Variants in SZT2 observed in about 807,000 individuals in gnomAD.
SZT2 encodes the protein KICSTOR complex protein SZT2.
Under a neutral mutation model 404.2 loss-of-function variants are expected in SZT2, and 216 were observed. The observed-to-expected ratio is 0.53, with a 90% CI of 0.48 to 0.60. The LOEUF (loss-of-function observed/expected upper bound fraction) is 0.60. Among genes scored for constraint, SZT2 ranks in the 20% least tolerant of loss-of-function variants. SZT2 has a pLI of 0.00. For missense variants in SZT2, 3,857 were observed against 4,459.2 expected (o/e 0.86, Z 3.85); for synonymous variants, 1,693 against 1,749.9 (o/e 0.97, Z 0.81).
chr1:43,437,311 G>C lies in SZT2; in HGVS notation c.6175G>C (p.Gly2059Arg), dbSNP rs1570695291. The C allele has an allele frequency of 6.2e-7, 1 of 1,614,154 alleles. No homozygotes were observed. The highest frequency in any genetic ancestry group is 8.5e-7 in the Non-Finnish European group (1 of 1,180,040). Residue 2059 changes from glycine (G) to arginine (R), a missense_variant, in exon 43 of 72, where the codon GGG becomes CGG. This residue lies in a region of SZT2 where 261 missense variants were observed against 372.9 expected (regional missense o/e 0.70). Transcript: ENST00000634258. The surrounding 1 kb of genome is among the most constrained non-coding windows in gnomAD (Gnocchi z 5.3). The part of the protein sequence containing the change: ...HSRLKMGPSM[G>R]VSRAIQALRS... ...ACGCCTCAAAATGGGGCCCAGCATG[G>C]GGGTCTCTCGGGGTATGTGATTGGC...
chr1:43,420,161 C>T lies in SZT2; in HGVS notation c.1099C>T (p.His367Tyr). 6.3e-7 allele frequency: 1 copy of T among 1,598,340 alleles called. No homozygotes were observed. The highest frequency in any genetic ancestry group is 8.5e-7 in the Non-Finnish European group (1 of 1,179,750). The part of the protein sequence containing the change: ...LNPEYYCGSQ[H>Y]RLFNEHLVSA... ...CTCCACTGGTCTTCCAGGCTCTCAG[C>T]ACCGCCTATTTAATGAGCACCTGGT... Residue 367 changes from histidine to tyrosine, a missense_variant, in exon 9 of 72, where the codon CAC (histidine) becomes TAC (tyrosine). His to Tyr is a moderately conservative substitution (Grantham distance 83). This residue lies in a region of SZT2 where 536 missense variants were observed against 637.4 expected (regional missense o/e 0.84). Coordinates refer to ENST00000634258, the MANE Select transcript of SZT2 (RefSeq NM_001365999.1). This position sits in a 1 kb window ranked among gnomAD's most constrained non-coding sequence, Gnocchi z 5.1.
rs1652974093 is a variant in SZT2, at chr1:43,425,038, T to G, written c.2551-75T>G. Reference sequence around the variant, plus strand: ...CAATTTGGTGAGGGAACTGAAATTCTGAGGGCCAGAGCTAGGCCAGGCCAG... The same window carrying G: ...CAATTTGGTGAGGGAACTGAAATTCGGAGGGCCAGAGCTAGGCCAGGCCAG... On this transcript the variant is annotated intron_variant, in intron 17 of 71. Transcript: ENST00000634258. This position sits in a 1 kb window ranked among gnomAD's most constrained non-coding sequence, Gnocchi z 4.3. 4.4e-6 allele frequency: 7 copies of G among 1,591,500 alleles called. No homozygotes were observed. Among genetic ancestry groups the G allele is most frequent in the Admixed American group, 3.3e-5 (2 of 59,882 alleles).
In SZT2 at chr1:43,448,339, G is replaced by A. The variant is rs745809903; in HGVS notation, c.9824G>A (p.Arg3275Gln). The change falls in exon 69 of 72, where the codon CGG (arginine) becomes CAG (glutamine). Residue 3275 changes from arginine to glutamine, a missense_variant. Around this residue, in one of 7 missense-constraint regions of SZT2, gnomAD observed 717 missense variants for 868.2 expected, o/e 0.83. Coordinates refer to ENST00000634258, the MANE Select transcript of SZT2 (RefSeq NM_001365999.1). The surrounding 1 kb of genome is among the most constrained non-coding windows in gnomAD (Gnocchi z 4.2). ...CGGCTGGCTGGAGGGCACTGCCGTC[G>A]GGACACCCTTTGGAAGCGCCTCTTC... ...LVRLAGGHCRRDTLWKRLFLL... is the reference protein window; with the variant it reads ...LVRLAGGHCRQDTLWKRLFLL... The A allele has an allele frequency of 8.4e-6, 13 of 1,552,950 alleles. No individual in the cohort carries two copies. The highest frequency in any genetic ancestry group is 3.5e-5 in the South Asian group (3 of 84,568).
In SZT2 at chr1:43,437,313, G is replaced by T; in HGVS notation, c.6177G>T (p.Gly2059=). 6.2e-7 allele frequency: 1 copy of T among 1,614,162 alleles called. No homozygotes were observed. Among genetic ancestry groups the T allele is most frequent in the Non-Finnish European group, 8.5e-7 (1 of 1,180,036 alleles). Residue 2059 remains glycine (G), a synonymous_variant, in exon 43 of 72, where the codon GGG becomes GGT. Transcript: ENST00000634258. The surrounding 1 kb of genome is among the most constrained non-coding windows in gnomAD (Gnocchi z 5.3). ...GCCTCAAAATGGGGCCCAGCATGGG[G>T]GTCTCTCGGGGTATGTGATTGGCAT... The part of the protein sequence containing the change: ...HSRLKMGPSM[G]VSRAIQALRS...
At position 43,452,468 on chromosome 1, in the gene SZT2, C is replaced by A; in HGVS notation, c.*1988C>A. ...CGATGCCCAGGTATCCCAGCACTTT[C>A]AGAGACACTTCAGTGATGGCTGAGG... On this transcript the variant is annotated 3_prime_UTR_variant, in exon 72 of 72. Coordinates refer to ENST00000634258, the MANE Select transcript of SZT2 (RefSeq NM_001365999.1). 1 of 723,142 alleles carries A rather than the reference C, an allele frequency of 1.4e-6. No individual in the cohort carries two copies. The allele number at this position is 723,142 out of a possible 1,614,324, so 44.8% of individuals were successfully genotyped here. A position where few individuals can be genotyped will look rare whatever the true frequency, so the allele number is the denominator to read the frequency against.
In SZT2 at chr1:43,399,043, A is replaced by G. The variant is rs925763460; in HGVS notation, c.28-4134A>G. Among the ~76,000 whole-genome samples the G allele has an allele frequency of 1.5e-4, 23 of 152,030 alleles. No homozygotes were observed. In the South Asian group the frequency reaches 1.7e-3, roughly 11 times the overall value. On this transcript the variant is annotated intron_variant, in intron 1 of 71. Transcript: ENST00000634258. ...TGCAGTGAGCCGAGATTGCGCCACT[A>G]CACTCCAGCCTAGGCGACAGAGCGA... is the stretch of plus-strand genomic sequence containing the variant.
chr1:43,431,064 C>T lies in SZT2; in HGVS notation c.4890C>T (p.Pro1630=), dbSNP rs1306038958. The change falls in exon 33 of 72, where the codon CCC becomes CCT. Residue 1630 remains proline (P), a synonymous_variant. Coordinates refer to ENST00000634258, the MANE Select transcript of SZT2 (RefSeq NM_001365999.1). ...MLTLPLEVEL[P]TASDPQHHRS... is the part of the protein sequence containing the mutation. ...CTTTGCCCCTGGAAGTGGAGCTCCC[C>T]ACGGCCTCGGACCCTCAGCACCACC... 1 of 1,614,028 alleles carries T rather than the reference C, an allele frequency of 6.2e-7. No individual in the cohort carries two copies. Among genetic ancestry groups the T allele is most frequent in the Admixed American group, 1.7e-5 (1 of 59,998 alleles).
At position 43,394,605 on chromosome 1, in the gene SZT2, G is replaced by A. The variant is rs563866807; in HGVS notation, c.27+4610G>A. ...TGAAAATATAGTTGTTGGGCTGGGC[G>A]CGGTGGCTCATGCCTGTAATCCCAA... is the stretch of plus-strand genomic sequence containing the variant. On this transcript the variant is annotated intron_variant, in intron 1 of 71. Transcript: ENST00000634258. Among the ~76,000 whole-genome samples, 22 of 152,288 alleles carry A rather than the reference G, an allele frequency of 1.4e-4. No homozygotes were observed. In the South Asian group the frequency reaches 2.3e-3, roughly 16 times the overall value.
chr1:43,415,114 C>T lies in SZT2; in HGVS notation c.531C>T (p.Ser177=), dbSNP rs1056702956. 2.3e-5 allele frequency: 37 copies of T among 1,597,912 alleles called. No individual in the cohort carries two copies. The highest frequency in any genetic ancestry group is 3.1e-5 in the Non-Finnish European group (37 of 1,179,570). The part of the protein sequence containing the change: ...VLVQGCLLDP[S]QREVFLQQIY... ...TACAGGGCTGCCTCTTGGACCCTTCCCAGCGGGAGGTGTTCCTGCAGCAGA... is the reference window on the plus strand; with the variant it reads ...TACAGGGCTGCCTCTTGGACCCTTCTCAGCGGGAGGTGTTCCTGCAGCAGA... The change falls in exon 5 of 72, where the codon TCC becomes TCT. Residue 177 remains serine (S), a synonymous_variant. Coordinates refer to ENST00000634258, the MANE Select transcript of SZT2 (RefSeq NM_001365999.1).
intron 7 of SZT2, among the ~76,000 whole-genome samples, 154 bp downstream of exon 7, chr1:43,416,795 C>T (rs1570609069): frequency 6.6e-6 from 1 of 152,084 alleles, no homozygotes; most frequent in Non-Finnish European, 1.5e-5. Flanking sequence ...TAGGTAGCAT[C>T]GTGGGAGAGG....
At chr1:43,415,255 G>GAGCA in intron 5 of SZT2, 42 bp downstream of exon 5, 5 of 1,593,900 alleles carry the variant, frequency 3.1e-6, no homozygotes, top group Non-Finnish European at 3.4e-6. Flanking sequence ...TTAGAAAGAG[G>GAGCA]AGCAGCTAAG....
intron 41 of SZT2, among the ~76,000 whole-genome samples, 156 bp downstream of exon 41, chr1:43,434,641 C>A (rs1186191157): frequency 6.6e-6 from 1 of 152,210 alleles, no homozygotes; most frequent in African/African-American, 2.4e-5. Flanking sequence ...TCTCCCCCAG[C>A]TCCCTACAGC....
intron 1 of SZT2, chr1:43,394,013 A>C (rs376735570): frequency 1.1e-5 from 10 of 915,480 alleles, no homozygotes; most frequent in Non-Finnish European, 1.3e-5. Flanking sequence ...CCTGACCCCG[A>C]AACTCTACTT....
At chr1:43,433,314 A>C in intron 40 of SZT2, 124 bp downstream of exon 40, 2 of 993,348 alleles carry the variant, frequency 2.0e-6, no homozygotes, top group Non-Finnish European at 2.9e-6. Context: ...TAGAGATCCA[A>C]CTTGTATTCT....
chr1:43,431,753 T>G lies in SZT2; in HGVS notation c.5126T>G (p.Leu1709Arg), dbSNP rs1456391008. 1.9e-6 allele frequency: 3 copies of G among 1,614,164 alleles called. No homozygotes were observed. In the South Asian group the frequency reaches 3.3e-5, roughly 18 times the overall value. The change falls in exon 36 of 72, where the codon CTC becomes CGC. Residue 1709 changes from leucine (L) to arginine (R), a missense_variant. Leu to Arg is a moderately radical substitution (Grantham distance 102). This residue lies in a region of SZT2 where 1,725 missense variants were observed against 1,881.0 expected (regional missense o/e 0.92). Transcript: ENST00000634258. ...TTGGAAGATGAGATGGTGGGGGCAC[T>G]CCGAAGAGGGGGCATCCCACAGAGT... ...WLLEDEMVGA[L>R]RRGGIPQSPA...
chr1:43,439,357 G>T lies in SZT2; in HGVS notation c.6793-1G>T, dbSNP rs759814766. Reference sequence around the variant, plus strand: ...GTGCTCTGTGGCTGTTCTTTCCCCAGCATCCACTCCCACCACAGGGTGGCC... The same window carrying T: ...GTGCTCTGTGGCTGTTCTTTCCCCATCATCCACTCCCACCACAGGGTGGCC... On this transcript the variant is annotated splice_acceptor_variant, in intron 48 of 71. Transcript: ENST00000634258. LOFTEE classifies it high-confidence loss of function. This position sits in a 1 kb window ranked among gnomAD's most constrained non-coding sequence, Gnocchi z 4.2. The T allele has an allele frequency of 1.9e-6, 3 of 1,614,000 alleles. No homozygotes were observed. In the East Asian group the frequency reaches 6.7e-5, roughly 36 times the overall value.
At position 43,453,679 on chromosome 1, in the gene SZT2, A is replaced by C. The variant is rs1656715340; in HGVS notation, c.*3199A>C. 2.0e-6 allele frequency: 3 copies of C among 1,463,814 alleles called. No homozygotes were observed. Among genetic ancestry groups the C allele is most frequent in the Non-Finnish European group, 1.8e-6 (2 of 1,117,324 alleles). 90.7% of individuals were successfully genotyped at this position (1,463,814 alleles called of 1,614,324 possible). On this transcript the variant is annotated 3_prime_UTR_variant, in exon 72 of 72. Transcript: ENST00000634258. ...GCCTCAGGCGTCTCCGCGTACGGCC[A>C]GGCCACCTCGACGGCCTCGAAGCCC...
Position 43,451,871 on chromosome 1 carries a change from A to G in SZT2, c.*1391A>G. ...CGCTGTAAGAGAAGCCAGGGAGGGG[A>G]CCGTGAGCCTCAAGAGCACAGGAAT... On this transcript the variant is annotated 3_prime_UTR_variant, in exon 72 of 72. Transcript: ENST00000634258. 6.2e-7 allele frequency: 1 copy of G among 1,613,976 alleles called. No homozygotes were observed. Among genetic ancestry groups the G allele is most frequent in the Non-Finnish European group, 8.5e-7 (1 of 1,179,956 alleles).
rs945188858 is a variant in SZT2, at chr1:43,425,765, G to A, written c.2815-70G>A. 8 of 1,594,190 alleles carry A rather than the reference G, an allele frequency of 5.0e-6. No homozygotes were observed. Among genetic ancestry groups the A allele is most frequent in the Non-Finnish European group, 6.9e-6 (8 of 1,164,922 alleles). ...ATGGCTGGGACTGTTGAAGCTTCCTGAAGAGCTGGAACCCAGGGTATCCTG... is the reference window on the plus strand; with the variant it reads ...ATGGCTGGGACTGTTGAAGCTTCCTAAAGAGCTGGAACCCAGGGTATCCTG... On this transcript the variant is annotated intron_variant, in intron 19 of 71. Coordinates refer to ENST00000634258, the MANE Select transcript of SZT2 (RefSeq NM_001365999.1). The surrounding 1 kb of genome is among the most constrained non-coding windows in gnomAD (Gnocchi z 4.3).
Sources: gnomAD v4.1 joint callset for allele counts (sites outside exome capture counted in the v4.1 genomes callset) on GRCh38, gnomAD v4.1.1 for gene constraint, gnomAD v4.1.1 regional missense constraint, Gnocchi (gnomAD v3.1) non-coding constraint, MANE v1.5 for transcripts, NCBI Gene and HGNC (gene_info 2026-07-23, HGNC 2026-07-21) for gene names.